SF3B3: variants seen among roughly 807,000 people sequenced by gnomAD.
SF3B3 encodes the protein SAP 130.
Under a neutral mutation model 139.2 loss-of-function variants are expected in SF3B3, and 33 were observed. The ratio of observed to expected loss-of-function variants is 0.24; its 90% CI spans 0.18 to 0.32. The LOEUF (loss-of-function observed/expected upper bound fraction) is 0.32. Among genes scored for constraint, SF3B3 ranks in the 10% least tolerant of loss-of-function variants. SF3B3 has a pLI of 1.00. For synonymous variants in SF3B3, 596 were observed against 563.6 expected (o/e 1.06, Z -0.81); for missense variants, 818 against 1,509.4 (o/e 0.54, Z 7.59).
In SF3B3 at chr16:70,572,074, C is replaced by T. The variant is rs1404097474; in HGVS notation, c.*261C>T. On this transcript the variant is annotated 3_prime_UTR_variant, in exon 26 of 26. Coordinates refer to ENST00000302516, the MANE Select transcript of SF3B3 (RefSeq NM_012426.5). ...GTTCCAGTGTAGAACCTGAGTCCCC[C>T]ATTCCCCAAAGCCATCCCTGCATTG... 1 of 630,838 alleles carries T rather than the reference C, an allele frequency of 1.6e-6. No individual in the cohort carries two copies. Among genetic ancestry groups the T allele is most frequent in the Non-Finnish European group, 2.9e-6 (1 of 339,534 alleles). 39.1% of individuals were successfully genotyped at this position (630,838 alleles called of 1,614,324 possible).
chr16:70,552,095 C>T (rs76235590), intron 11 of SF3B3, among the ~76,000 whole-genome samples: 197 of 152,214 alleles, frequency 1.3e-3, no homozygotes, highest in Non-Finnish European at 1.8e-3. Context: ...AAGTCTTGGT[C>T]GAAGGAAAGG....
At position 70,526,607 on chromosome 16, in the gene SF3B3, T is replaced by C. The variant is rs764185688; in HGVS notation, c.-50T>C. On this transcript the variant is annotated 5_prime_UTR_variant, in exon 2 of 26. Transcript: ENST00000302516. ...CTTAGCTTTCTTGGACTCCGTACTGTTGGTGTAACCAAGGCCTGGAGGTCT... is the reference window on the plus strand; with the variant it reads ...CTTAGCTTTCTTGGACTCCGTACTGCTGGTGTAACCAAGGCCTGGAGGTCT... 51 of 1,329,166 alleles carry C rather than the reference T, an allele frequency of 3.8e-5. No individual in the cohort carries two copies. Among genetic ancestry groups the C allele is most frequent in the Non-Finnish European group, 5.5e-5 (51 of 928,322 alleles). 82.3% of individuals were successfully genotyped at this position (1,329,166 alleles called of 1,614,324 possible). A position where few individuals can be genotyped will look rare whatever the true frequency, so the allele number is the denominator to read the frequency against.
intron 1 of SF3B3, among the ~76,000 whole-genome samples, chr16:70,525,764 G>C (rs533149983): frequency 6.6e-6 from 1 of 151,690 alleles, no homozygotes; most frequent in African/African-American, 2.4e-5. Context: ...TCAGGAGATC[G>C]AGACCATCCT....
Position 70,554,450 on chromosome 16 carries a change from G to A in SF3B3, c.1407G>A (p.Glu469=), listed in dbSNP as rs62050273. ...VWTVRRHIED[E]FDAYIIVSFV... is the part of the protein sequence containing the mutation. ...CTCCCTTCTTTTCTTTTTCAGATGA[G>A]TTTGATGCCTACATCATTGTGTCTT... The change falls in exon 12 of 26, where the codon GAG becomes GAA. Residue 469 remains glutamate (E), a synonymous_variant. Coordinates refer to ENST00000302516, the MANE Select transcript of SF3B3 (RefSeq NM_012426.5). 1.2e-6 allele frequency: 2 copies of A among 1,613,996 alleles called. No individual in the cohort carries two copies. The highest frequency in any genetic ancestry group is 1.7e-6 in the Non-Finnish European group (2 of 1,179,950).
chr16:70,558,830 C>T (rs1326185403), intron 15 of SF3B3, among the ~76,000 whole-genome samples: 2 of 152,202 alleles, frequency 1.3e-5, no homozygotes, highest in Non-Finnish European at 2.9e-5. Flanking sequence ...CTCCTGAGCT[C>T]AAGCGATCCA....
Position 70,523,854 on chromosome 16 carries a change from T to A in SF3B3, c.-145T>A. ...GGTCTAATGGCGGACGCCAGTATGT[T>A]GGAGTTGGTGGTGGCTTAAGTTTTG... On this transcript the variant is annotated 5_prime_UTR_variant, in exon 1 of 26. An upstream open reading frame in the 5' UTR gains an earlier in-frame stop. Transcript: ENST00000302516. 1 of 513,394 alleles carries A rather than the reference T, an allele frequency of 1.9e-6. No individual in the cohort carries two copies. Among genetic ancestry groups the A allele is most frequent in the Non-Finnish European group, 3.4e-6 (1 of 292,766 alleles). 31.8% of individuals were successfully genotyped at this position (513,394 alleles called of 1,614,324 possible). A position where few individuals can be genotyped will look rare whatever the true frequency, so the allele number is the denominator to read the frequency against.
At chr16:70,539,065 CA>C in intron 7 of SF3B3, 38 bp from the exon 8 acceptor site, 1 of 1,420,324 alleles carries the variant, frequency 7.0e-7, no homozygotes, top group Non-Finnish European at 1.0e-6. Context: ...GGGCTCACTT[CA>C]CTTTGTTTGT....
At chr16:70,527,975 C>T (rs1220383514) in intron 2 of SF3B3, among the ~76,000 whole-genome samples, 3 of 151,944 alleles carry the variant, frequency 2.0e-5, no homozygotes, top group African/African-American at 7.2e-5. Context: ...TGAGGTTTCA[C>T]CATATTGGCC....
rs2050366799 is a variant in SF3B3, at chr16:70,555,056, T to C, written c.1560T>C (p.Tyr520=). 6.2e-7 allele frequency: 1 copy of C among 1,614,004 alleles called. No homozygotes were observed. The highest frequency in any genetic ancestry group is 8.5e-7 in the Non-Finnish European group (1 of 1,179,928). The part of the protein sequence containing the change: ...LLGDDALVQV[Y]PDGIRHIRAD... ...CTTTCTGTTACTGACTCTAGGTCTA[T>C]CCAGATGGCATTCGGCACATACGAG... Residue 520 remains tyrosine, a synonymous_variant, in exon 13 of 26, where the codon TAT becomes TAC. Coordinates refer to ENST00000302516, the MANE Select transcript of SF3B3 (RefSeq NM_012426.5).
At chr16:70,536,811 T>C (rs554722387) in intron 6 of SF3B3, among the ~76,000 whole-genome samples, 486 of 140,476 alleles carry the variant, frequency 3.5e-3, no homozygotes, top group Middle Eastern at 0.014. Flanking sequence ...TTCTTTCTTT[T>C]TTTTTTTTTT....
At position 70,554,436 on chromosome 16, in the gene SF3B3, TC is replaced by T. The variant is rs1464243342; in HGVS notation, c.1403-9del. On this transcript the variant is annotated splice_polypyrimidine_tract_variant and intron_variant, in intron 11 of 25. Coordinates refer to ENST00000302516, the MANE Select transcript of SF3B3 (RefSeq NM_012426.5). Reference sequence around the variant, plus strand: ...TCTTATCTAACCAACTCCCTTCTTTTCTTTTTCAGATGAGTTTGATGCCTAC... The same window carrying T: ...TCTTATCTAACCAACTCCCTTCTTTTTTTTTCAGATGAGTTTGATGCCTAC... 5.6e-6 allele frequency: 9 copies of T among 1,613,678 alleles called. No homozygotes were observed. The highest frequency in any genetic ancestry group is 7.6e-6 in the Non-Finnish European group (9 of 1,179,776).
intron 16 of SF3B3, among the ~76,000 whole-genome samples, chr16:70,561,079 G>A (rs2050423965): frequency 6.6e-6 from 1 of 151,906 alleles, no homozygotes; most frequent in Admixed American, 6.6e-5. Context: ...GGAATGTAGT[G>A]GTGCAAGCTT....
chr16:70,543,246 AAAAG>A (rs922469153), intron 9 of SF3B3, among the ~76,000 whole-genome samples: 5 of 151,148 alleles, frequency 3.3e-5, no homozygotes, highest in Non-Finnish European at 5.9e-5. Context: ...TGTCTCTACT[AAAAG>A]AAATACAAAA....
At chr16:70,567,328 A>T in intron 20 of SF3B3, 83 bp from the exon 21 acceptor site, 1 of 1,433,766 alleles carries the variant, frequency 7.0e-7, no homozygotes, top group East Asian at 2.3e-5. Flanking sequence ...GCTCCTGTGG[A>T]AGTAGGCATT....
intron 14 of SF3B3, 167 bp downstream of exon 14, chr16:70,556,501 G>GT: frequency 1.4e-6 from 1 of 711,392 alleles, no homozygotes; most frequent in Non-Finnish European, 2.4e-6. Flanking sequence ...TGTTTCAGGA[G>GT]TTTCCTGCTG....
chr16:70,539,467 G>A (rs1377255351), intron 8 of SF3B3, among the ~76,000 whole-genome samples: 7 of 152,074 alleles, frequency 4.6e-5, no homozygotes, highest in Admixed American at 2.6e-4. Context: ...AGAATCACTT[G>A]AATCTGGAAG....
In SF3B3 at chr16:70,543,450, G is replaced by A. The variant is rs952348328; in HGVS notation, c.1234-988G>A. ...AGGCCGGTCACGATGGCTTACACCT[G>A]TAATCCCAGCACTTTGGGAGGCCGA... On this transcript the variant is annotated intron_variant, in intron 9 of 25. Coordinates refer to ENST00000302516, the MANE Select transcript of SF3B3 (RefSeq NM_012426.5). 8.6e-5 allele frequency among the ~76,000 whole-genome samples: 13 copies of A among 151,688 alleles called. 1 individual carries two copies. Among genetic ancestry groups the A allele is most frequent in the African/African-American group, 3.2e-4 (13 of 41,230 alleles).
At position 70,544,522 on chromosome 16, in the gene SF3B3, C is replaced by T. The variant is rs1366346866; in HGVS notation, c.1318C>T (p.His440Tyr). The stretch of plus-strand genomic sequence containing the variant: ...CCGATCATCTCTGAGAGTCCTAAGA[C>T]ATGGACTTGAGGTAAGGTTGCAATT... ...GPRSSLRVLR[H>Y]GLEVSEMAVS... The change falls in exon 10 of 26, where the codon CAT becomes TAT. Residue 440 changes from histidine to tyrosine, a missense_variant. Around this residue, in one of 14 missense-constraint regions of SF3B3, gnomAD observed 31 missense variants for 77.3 expected, o/e 0.40. Transcript: ENST00000302516. 6.2e-7 allele frequency: 1 copy of T among 1,600,180 alleles called. No individual in the cohort carries two copies.
intron 20 of SF3B3, among the ~76,000 whole-genome samples, chr16:70,566,681 C>T (rs1432227497): frequency 1.3e-5 from 2 of 152,296 alleles, no homozygotes; most frequent in Admixed American, 1.3e-4. Context: ...TTCAACCCTA[C>T]CATAAGGGGA....
Sources: allele counts gnomAD v4.1 joint callset (sites outside exome capture counted in the v4.1 genomes callset), GRCh38; gene constraint gnomAD v4.1.1; regional missense constraint gnomAD v4.1.1; transcripts MANE v1.5; gene names NCBI Gene and HGNC (gene_info 2026-07-23, HGNC 2026-07-21).